The following SEMA6D variants were observed in gnomAD, a reference collection of about 807,000 sequenced individuals.
SEMA6D encodes the protein semaphorin-6D.
Under a neutral mutation model 106.6 loss-of-function variants are expected in SEMA6D, and 35 were observed. That is an observed-to-expected ratio of 0.33 (90% confidence interval 0.25 to 0.44). The LOEUF is 0.44. Among genes scored for constraint, SEMA6D ranks in the 20% least tolerant of loss-of-function variants. The pLI is 1.00. For missense variants in SEMA6D, 1,185 were observed against 1,345.9 expected (o/e 0.88, Z 1.87); for synonymous variants, 499 against 487.7 (o/e 1.02, Z -0.31).
chr15:47,314,990 C>T (rs62000220), intron 1 of SEMA6D, among the ~76,000 whole-genome samples: 63,569 of 148,080 alleles, frequency 0.43, 15,919 homozygotes, highest in Non-Finnish European at 0.56. Flanking sequence ...CTCAGCCTCC[C>T]GAGTAGCTGG....
chr15:47,554,700 C>T (rs1273173280), intron 3 of SEMA6D, among the ~76,000 whole-genome samples: 1 of 152,202 alleles, frequency 6.6e-6, no homozygotes, highest in Admixed American at 6.5e-5. Context: ...GGAGGGCACA[C>T]AGACCCTTTA....
chr15:47,756,826 C>A (rs1351876547), intron 1 of SEMA6D, among the ~76,000 whole-genome samples: 1 of 152,066 alleles, frequency 6.6e-6, no homozygotes, highest in Non-Finnish European at 1.5e-5. Flanking sequence ...TTCCCTCCCC[C>A]ACCCAGCTTT....
chr15:47,411,735 G>T (rs1377616951), intron 1 of SEMA6D, among the ~76,000 whole-genome samples: 1 of 152,084 alleles, frequency 6.6e-6, no homozygotes, highest in Non-Finnish European at 1.5e-5. Context: ...TGGGTTTCTT[G>T]AGTGCTTCCA....
intron 2 of SEMA6D, among the ~76,000 whole-genome samples, chr15:47,421,228 T>C (rs1722261870): frequency 6.6e-6 from 1 of 152,090 alleles, no homozygotes; most frequent in African/African-American, 2.4e-5. Flanking sequence ...AGGTTCTCAA[T>C]CTCAGGTTCT....
chr15:47,227,949 T>TATA (rs71118162), intron 1 of SEMA6D, among the ~76,000 whole-genome samples: 4 of 68,524 alleles, frequency 5.8e-5, no homozygotes, highest in Non-Finnish European at 9.6e-5. Flanking sequence ...ATATATATTT[T>TATA]TATATGTAAG....
At chr15:47,375,502 C>T (rs2039418936) in intron 1 of SEMA6D, among the ~76,000 whole-genome samples, 1 of 151,986 alleles carries the variant, frequency 6.6e-6, no homozygotes, top group African/African-American at 2.4e-5. Flanking sequence ...TTTTTTCCTT[C>T]AATATGCCTG....
intron 4 of SEMA6D, chr15:47,603,450 A>G (rs2076706276): frequency 6.6e-6 from 1 of 152,146 alleles, no homozygotes; most frequent in Admixed American, 6.6e-5. Context: ...GGAGCAGAGA[A>G]AAGACTAGGT....
intron 4 of SEMA6D, among the ~76,000 whole-genome samples, chr15:47,630,901 A>T (rs1474460188): frequency 4.0e-5 from 6 of 151,814 alleles, no homozygotes; most frequent in Non-Finnish European, 7.4e-5. Context: ...TATTACATTG[A>T]TTTATTTCTG....
At chr15:47,530,225 T>C (rs1437438355) in intron 3 of SEMA6D, among the ~76,000 whole-genome samples, 2 of 152,254 alleles carry the variant, frequency 1.3e-5, no homozygotes, top group Non-Finnish European at 2.9e-5. Context: ...CCCAATTTAG[T>C]TGAATCTCCT....
intron 1 of SEMA6D, among the ~76,000 whole-genome samples, chr15:47,409,278 A>G (rs1242016348): frequency 6.6e-6 from 1 of 152,192 alleles, no homozygotes; most frequent in East Asian, 1.9e-4. Flanking sequence ...GCCCCAGGGA[A>G]CACATTGTAC....
upstream of SEMA6D, chr15:47,717,146 C>T (rs2079139897): frequency 6.6e-6 from 1 of 152,400 alleles, no homozygotes; most frequent in Non-Finnish European, 1.5e-5. Flanking sequence ...CTGCAGCACC[C>T]ACTGCGAGCT....
At chr15:47,587,501 A>G (rs2076363304) in intron 3 of SEMA6D, among the ~76,000 whole-genome samples, 1 of 152,242 alleles carries the variant, frequency 6.6e-6, no homozygotes, top group African/African-American at 2.4e-5. Context: ...AGGGTTAGTT[A>G]TAGCACAAAT....
At chr15:47,208,427 C>G (rs1405352390) in intron 1 of SEMA6D, among the ~76,000 whole-genome samples, 1 of 152,104 alleles carries the variant, frequency 6.6e-6, no homozygotes, top group Non-Finnish European at 1.5e-5. Flanking sequence ...ATACAAGAGA[C>G]CTTCTAAATA....
At chr15:47,480,681 A>G (rs16959559) in intron 3 of SEMA6D, among the ~76,000 whole-genome samples, 285 of 152,256 alleles carry the variant, frequency 1.9e-3, no homozygotes, top group African/African-American at 6.6e-3. Context: ...TGAACTGCTA[A>G]GGTTCTTATC....
At chr15:47,705,064 T>G (rs1596691779) in intron 4 of SEMA6D, among the ~76,000 whole-genome samples, 1 of 152,308 alleles carries the variant, frequency 6.6e-6, no homozygotes, top group African/African-American at 2.4e-5. Context: ...CTAAACATTG[T>G]CCTAAGCACT....
chr15:47,713,389 A>C (rs2079055932), upstream of SEMA6D, among the ~76,000 whole-genome samples: 1 of 152,218 alleles, frequency 6.6e-6, no homozygotes, highest in Admixed American at 6.5e-5. Context: ...ACTGTGATAA[A>C]TATTTTTCAT....
intron 1 of SEMA6D, among the ~76,000 whole-genome samples, chr15:47,186,535 T>A (rs1176979523): frequency 6.6e-6 from 1 of 152,186 alleles, no homozygotes; most frequent in African/African-American, 2.4e-5. Context: ...ACCTCTTTTT[T>A]TTTTTTGCTT....
upstream of SEMA6D, among the ~76,000 whole-genome samples, chr15:47,716,748 A>G (rs777279271): frequency 9.2e-5 from 14 of 152,142 alleles, no homozygotes; most frequent in Non-Finnish European, 1.5e-4. Flanking sequence ...AACATATTAC[A>G]TGAAACACTT....
At chr15:47,340,008 C>T (rs1369618267) in intron 1 of SEMA6D, among the ~76,000 whole-genome samples, 1 of 152,102 alleles carries the variant, frequency 6.6e-6, no homozygotes, top group African/African-American at 2.4e-5. Flanking sequence ...ACTGTTTAAT[C>T]ACGTGACCTT....
Sources: gnomAD v4.1 joint callset for allele counts (sites outside exome capture counted in the v4.1 genomes callset) on GRCh38, gnomAD v4.1.1 for gene constraint, MANE v1.5 for transcripts, NCBI Gene and HGNC (gene_info 2026-07-23, HGNC 2026-07-21) for gene names.